The following DEPDC5 variants were observed in gnomAD, a reference collection of about 807,000 sequenced individuals.
DEPDC5 encodes DEP domain containing 5, GATOR1 subcomplex subunit, also known as GATOR1 complex protein DEPDC5.
In DEPDC5, 73 loss-of-function variants were observed where a neutral mutation model predicts 217.3. That is an observed-to-expected ratio of 0.34 (90% CI 0.28 to 0.41). The LOEUF is 0.41. Among genes scored for constraint, DEPDC5 ranks in the 10% least tolerant of loss-of-function variants. The pLI is 1.00. For synonymous variants in DEPDC5, 733 were observed against 756.7 expected, an observed-to-expected ratio of 0.97 and a Z score of 0.51; for missense variants, 1,675 against 2,070.1, an observed-to-expected ratio of 0.81 and a Z score of 3.70.
chr22:31,841,081 C>A (rs1007401792), intron 27 of DEPDC5, among the ~76,000 whole-genome samples: 1 of 152,222 alleles, frequency 6.6e-6, no homozygotes, highest in Non-Finnish European at 1.5e-5. Context: ...GTGTTTGTTG[C>A]ATGAATGAAG....
intron 38 of DEPDC5, among the ~76,000 whole-genome samples, chr22:31,883,283 C>T (rs2093225105): frequency 6.6e-6 from 1 of 152,128 alleles, no homozygotes; most frequent in African/African-American, 2.4e-5. Flanking sequence ...GCTTTGAAGC[C>T]CATCAGTAAC....
chr22:31,822,892 C>G, intron 24 of DEPDC5, 102 bp downstream of exon 24: 1 of 1,196,422 alleles, frequency 8.4e-7, no homozygotes, highest in Non-Finnish European at 1.2e-6. Context: ...ATTTTGAGAT[C>G]ATTTCAGCCA....
intron 2 of DEPDC5, chr22:31,755,512 C>T (rs2075245199): frequency 2.6e-5 from 4 of 152,468 alleles, no homozygotes; most frequent in African/African-American, 4.8e-5. Context: ...TGTACCTTAT[C>T]TGAAAGTTGA....
At chr22:31,865,226 C>G (rs751318522) in intron 33 of DEPDC5, among the ~76,000 whole-genome samples, 1 of 152,104 alleles carries the variant, frequency 6.6e-6, no homozygotes, top group African/African-American at 2.4e-5. Flanking sequence ...CGCAGCAGCC[C>G]ACGCATGTAA....
chr22:31,848,917 G>C (rs1271542383), intron 31 of DEPDC5, among the ~76,000 whole-genome samples: 1 of 152,100 alleles, frequency 6.6e-6, no homozygotes, highest in Non-Finnish European at 1.5e-5. Flanking sequence ...AGATCTCTAG[G>C]GCAGGGGCAA....
rs112703298 is a variant in DEPDC5, at chr22:31,874,689, G to A, written c.3696+284G>A. ...TCAGAAAAATCTCTATGATTTTTGG[G>A]GGAATGCCCTCCCTCTGACCTCAAG... On this transcript the variant is annotated intron_variant, in intron 36 of 42. Coordinates refer to ENST00000651528, the MANE Select transcript of DEPDC5 (RefSeq NM_001242896.3). Among the ~76,000 whole-genome samples, 2,190 of 152,188 alleles carry A rather than the reference G, an allele frequency of 0.014. 19 individuals carry two copies. Among genetic ancestry groups the A allele is most frequent in the Middle Eastern group, 0.031 (9 of 292 alleles).
At position 31,824,005 on chromosome 22, in the gene DEPDC5, G is replaced by A. The variant is rs75467531; in HGVS notation, c.2104+1215G>A. On this transcript the variant is annotated intron_variant, in intron 24 of 42. Transcript: ENST00000651528. ...AACTTTAAAAAAATTGGGCTACTAC[G>A]TTGTGCTTTAGTGTTCTATAAGCTA... 3.2e-3 allele frequency among the ~76,000 whole-genome samples: 492 copies of A among 152,298 alleles called. 2 individuals carry two copies. The highest frequency in any genetic ancestry group is 0.011 in the African/African-American group (472 of 41,558).
chr22:31,881,591 C>CTA (rs1045556423), intron 38 of DEPDC5, among the ~76,000 whole-genome samples: 3 of 152,042 alleles, frequency 2.0e-5, no homozygotes, highest in African/African-American at 7.2e-5. Context: ...GGCTTGAGAC[C>CTA]TAAGGCCTTT....
At chr22:31,888,533 T>G (rs2093368320) in intron 38 of DEPDC5, among the ~76,000 whole-genome samples, 1 of 151,586 alleles carries the variant, frequency 6.6e-6, no homozygotes, top group African/African-American at 2.4e-5. Flanking sequence ...ATTACAGTAG[T>G]GAACCACCAC....
intron 18 of DEPDC5, among the ~76,000 whole-genome samples, chr22:31,808,036 T>C (rs1238751761): frequency 6.6e-6 from 1 of 152,130 alleles, no homozygotes; most frequent in African/African-American, 2.4e-5. Flanking sequence ...AGAAAGGGCC[T>C]CTCTTGCCTT....
chr22:31,879,043 A>AAAATATAT (rs763615141), intron 37 of DEPDC5, among the ~76,000 whole-genome samples: 4 of 119,460 alleles, frequency 3.3e-5, no homozygotes, highest in Non-Finnish European at 1.7e-5. Flanking sequence ...AAAAAAAAAA[A>AAAATATAT]ATATATATAT....
intron 10 of DEPDC5, among the ~76,000 whole-genome samples, chr22:31,786,611 A>AT (rs1249457865): frequency 2.0e-5 from 3 of 150,768 alleles, no homozygotes; most frequent in Non-Finnish European, 3.0e-5. Flanking sequence ...AAAGAACTGA[A>AT]TTTTTTTTTA....
At chr22:31,848,193 C>G (rs1291911275) in intron 31 of DEPDC5, among the ~76,000 whole-genome samples, 1 of 152,250 alleles carries the variant, frequency 6.6e-6, no homozygotes, top group African/African-American at 2.4e-5. Context: ...GCTGCTTTTA[C>G]GGCCTGGTGT....
At chr22:31,815,427 T>TA in intron 21 of DEPDC5, 1 of 671,170 alleles carries the variant, frequency 1.5e-6, no homozygotes, top group Non-Finnish European at 2.6e-6. Flanking sequence ...GCACCTAGGA[T>TA]AAAGTGCAGT....
In DEPDC5 at chr22:31,834,077, G is replaced by A. The variant is rs181824562; in HGVS notation, c.2170+97G>A. On this transcript the variant is annotated intron_variant, in intron 25 of 42. Transcript: ENST00000651528. ...GAGGAAGCCCTGTGGGAAGTGAGTG[G>A]TCCTGAGGTACACATACCTCTGGGG... is the stretch of plus-strand genomic sequence containing the variant. 1.3e-3 allele frequency: 1,532 copies of A among 1,218,088 alleles called. 1 individual carries two copies. Among genetic ancestry groups the A allele is most frequent in the Middle Eastern group, 4.0e-3 (21 of 5,292 alleles). The allele number at this position is 1,218,088 out of a possible 1,614,324, so 75.5% of individuals were successfully genotyped here.
At chr22:31,818,533 T>C (rs1157126141) in intron 21 of DEPDC5, among the ~76,000 whole-genome samples, 2 of 152,216 alleles carry the variant, frequency 1.3e-5, no homozygotes, top group African/African-American at 4.8e-5. Context: ...TTTGGCTTTA[T>C]TGCAAAGGGT....
intron 41 of DEPDC5, among the ~76,000 whole-genome samples, chr22:31,903,298 C>T (rs1295541495): frequency 1.4e-5 from 1 of 72,602 alleles, no homozygotes; most frequent in African/African-American, 5.6e-5. Context: ...ACCCCCCCAC[C>T]TTCCACACGT....
intron 38 of DEPDC5, among the ~76,000 whole-genome samples, chr22:31,887,158 C>T (rs1365730199): frequency 6.6e-6 from 1 of 151,386 alleles, no homozygotes; most frequent in Non-Finnish European, 1.5e-5. Context: ...TTGGCTCACG[C>T]CTGTAATCCC....
chr22:31,765,981 C>G (rs538240594), intron 5 of DEPDC5, among the ~76,000 whole-genome samples: 6 of 152,158 alleles, frequency 3.9e-5, no homozygotes, highest in Non-Finnish European at 7.4e-5. Flanking sequence ...GAGCTGAGAT[C>G]GTGCCACTGC....
Sources: gnomAD v4.1 joint callset for allele counts (sites outside exome capture counted in the v4.1 genomes callset) on GRCh38, gnomAD v4.1.1 for gene constraint, MANE v1.5 for transcripts, NCBI Gene and HGNC (gene_info 2026-07-23, HGNC 2026-07-21) for gene names.